ADGRL3: variants seen among roughly 807,000 people sequenced by gnomAD.
ADGRL3 encodes calcium-independent alpha-latrotoxin receptor 3.
In ADGRL3, 62 loss-of-function variants were observed where a neutral mutation model predicts 153.5. The observed-to-expected ratio is 0.40, with a 90% CI of 0.33 to 0.50. The LOEUF (loss-of-function observed/expected upper bound fraction) is 0.50, where lower values mean the gene tolerates loss of function less well. Ranked by LOEUF, ADGRL3 falls within the 20% of genes least tolerant of loss-of-function variation. The pLI is 0.47. For synonymous variants in ADGRL3, 710 were observed against 672.5 expected (o/e 1.06, Z -0.86); for missense variants, 1,641 against 1,859.4 (o/e 0.88, Z 2.16).
At position 61,851,445 on chromosome 4, in the gene ADGRL3, C is replaced by A. The variant is rs2098201529; in HGVS notation, c.1480+37556C>A. ...CTCTACAAAAAAATTAAAAATCAGCCAGGTGTGGTGGCACATACCTATAGT... is the reference window on the plus strand; with the variant it reads ...CTCTACAAAAAAATTAAAAATCAGCAAGGTGTGGTGGCACATACCTATAGT... On this transcript the variant is annotated intron_variant, in intron 9 of 26. Coordinates refer to ENST00000683033, the MANE Select transcript of ADGRL3 (RefSeq NM_001387552.1). Among the ~76,000 whole-genome samples, 3 of 151,732 alleles carry A rather than the reference C, an allele frequency of 2.0e-5. No individual in the cohort carries two copies. In the South Asian group the frequency reaches 6.2e-4, roughly 32 times the overall value.
At chr4:61,805,376 G>C (rs2097543112) in intron 8 of ADGRL3, among the ~76,000 whole-genome samples, 1 of 152,146 alleles carries the variant, frequency 6.6e-6, no homozygotes, top group Non-Finnish European at 1.5e-5. Context: ...AGGATTTAAA[G>C]CAGAACTTTA....
chr4:61,479,940 G>A (rs1198118945), intron 2 of ADGRL3, among the ~76,000 whole-genome samples: 1 of 151,618 alleles, frequency 6.6e-6, no homozygotes, highest in Admixed American at 6.6e-5. Context: ...TTTTTTTGAT[G>A]CATGTATGCA....
At chr4:61,229,160 G>C (rs1749386562) in intron 1 of ADGRL3, among the ~76,000 whole-genome samples, 1 of 152,174 alleles carries the variant, frequency 6.6e-6, no homozygotes, top group African/African-American at 2.4e-5. Context: ...TTATTTTAAA[G>C]TGGTCTCCAG....
At chr4:61,432,638 CTTTCTTTCTTTCTTTCTTTTTTTT>C (rs2097381147) in intron 2 of ADGRL3, among the ~76,000 whole-genome samples, 4 of 23,932 alleles carry the variant, frequency 1.7e-4, no homozygotes, top group Admixed American at 5.2e-4. Context: ...TTCTTTCTTT[CTTTCTTTCTTTCTTTCTTTTTTTT>C]TTTTTTTTGA....
At position 61,433,982 on chromosome 4, in the gene ADGRL3, C is replaced by T. The variant is rs181117320; in HGVS notation, c.-174+50793C>T. ...CTTAGGTCCTATTAATCGAACCCTT[C>T]CAAAATATGTCTTAAATGGATTCAG... On this transcript the variant is annotated intron_variant, in intron 2 of 26. Transcript: ENST00000683033. 8.5e-5 allele frequency among the ~76,000 whole-genome samples: 13 copies of T among 152,214 alleles called. No individual in the cohort carries two copies. The Middle Eastern group carries it at 0.01, about 119-fold the overall frequency.
At chr4:61,869,551 T>C (rs1419306087) in intron 9 of ADGRL3, among the ~76,000 whole-genome samples, 2 of 151,772 alleles carry the variant, frequency 1.3e-5, no homozygotes, top group South Asian at 2.1e-4. Flanking sequence ...TGAGCCGAGA[T>C]TGCGCCACTG....
chr4:61,711,458 T>TTATA (rs1167827672), intron 6 of ADGRL3, among the ~76,000 whole-genome samples: 1,913 of 34,608 alleles, frequency 0.055, 120 homozygotes, highest in South Asian at 0.076. Flanking sequence ...ATATGCTTCA[T>TTATA]TATATATATA....
chr4:61,840,817 T>G (rs1307089246), intron 9 of ADGRL3, among the ~76,000 whole-genome samples: 1 of 152,208 alleles, frequency 6.6e-6, no homozygotes, highest in Admixed American at 6.5e-5. Flanking sequence ...GAATGATTTA[T>G]CAAAACATGC....
At chr4:61,217,064 T>C (rs1743124648) in intron 1 of ADGRL3, among the ~76,000 whole-genome samples, 1 of 152,248 alleles carries the variant, frequency 6.6e-6, no homozygotes, top group Non-Finnish European at 1.5e-5. Flanking sequence ...ATTCACTATT[T>C]ATTTGTTAGC....
chr4:61,888,627 C>A (rs933076890), intron 9 of ADGRL3, among the ~76,000 whole-genome samples: 1 of 152,098 alleles, frequency 6.6e-6, no homozygotes, highest in African/African-American at 2.4e-5. Context: ...CAGGGACAGC[C>A]TTTAAAATCA....
At chr4:61,373,557 T>A (rs1218520790) in intron 1 of ADGRL3, among the ~76,000 whole-genome samples, 1 of 152,184 alleles carries the variant, frequency 6.6e-6, no homozygotes, top group African/African-American at 2.4e-5. Flanking sequence ...CAAAACGAAT[T>A]GATTACATTT....
chr4:61,242,282 C>T (rs931139172), intron 1 of ADGRL3, among the ~76,000 whole-genome samples: 1 of 151,832 alleles, frequency 6.6e-6, no homozygotes, highest in African/African-American at 2.4e-5. Flanking sequence ...GTGGTACATT[C>T]GTTGCCCTGC....
intron 2 of ADGRL3, among the ~76,000 whole-genome samples, chr4:61,463,209 T>G (rs1277824122): frequency 1.3e-5 from 2 of 152,172 alleles, no homozygotes; most frequent in African/African-American, 4.8e-5. Context: ...TTTCACGGAA[T>G]AGCCTTCTAT....
chr4:61,418,339 G>C (rs961459022), intron 2 of ADGRL3, among the ~76,000 whole-genome samples: 1 of 152,166 alleles, frequency 6.6e-6, no homozygotes, highest in Admixed American at 6.5e-5. Context: ...TCAATACTGG[G>C]TAATCACCTA....
At chr4:61,604,008 G>T (rs926462850) in intron 5 of ADGRL3, among the ~76,000 whole-genome samples, 1 of 152,152 alleles carries the variant, frequency 6.6e-6, no homozygotes, top group Non-Finnish European at 1.5e-5. Context: ...GCATGAGAGA[G>T]ACATTTGGCA....
intron 2 of ADGRL3, among the ~76,000 whole-genome samples, chr4:61,457,355 T>C (rs2097766041): frequency 6.6e-6 from 1 of 151,968 alleles, no homozygotes; most frequent in African/African-American, 2.4e-5. Context: ...TAATGCAATG[T>C]TATTTTAATT....
intron 9 of ADGRL3, among the ~76,000 whole-genome samples, chr4:61,850,708 A>G (rs896775491): frequency 3.3e-5 from 5 of 152,110 alleles, no homozygotes; most frequent in African/African-American, 1.2e-4. Flanking sequence ...CAGGGCTATT[A>G]CTCCTTAATA....
At chr4:61,739,344 T>C (rs957941417) in intron 8 of ADGRL3, among the ~76,000 whole-genome samples, 1 of 151,974 alleles carries the variant, frequency 6.6e-6, no homozygotes, top group Admixed American at 6.6e-5. Context: ...TCTCACTGTG[T>C]TGCCCAGGCT....
chr4:61,297,384 C>G (rs900550459), intron 1 of ADGRL3, among the ~76,000 whole-genome samples: 1 of 151,846 alleles, frequency 6.6e-6, no homozygotes, highest in Non-Finnish European at 1.5e-5. Flanking sequence ...GCTAAATTGC[C>G]GATTTCAGTC....
Sources: allele counts gnomAD v4.1 joint callset (sites outside exome capture counted in the v4.1 genomes callset), GRCh38; gene constraint gnomAD v4.1.1; transcripts MANE v1.5; gene names NCBI Gene and HGNC (gene_info 2026-07-23, HGNC 2026-07-21).